Variants in CNOT10 observed in about 807,000 individuals in gnomAD.
CNOT10 encodes the protein CCR4-NOT transcription complex subunit 10, also known as CCR4-NOT transcription complex, subunit 10.
CNOT10 carries 30 observed loss-of-function variants against 94.6 expected under a neutral mutation model. The observed-to-expected ratio is 0.32, with a 90% CI of 0.24 to 0.43. The LOEUF is 0.43. Ranked by LOEUF, CNOT10 falls within the 20% of genes least tolerant of loss-of-function variation. CNOT10 has a pLI of 1.00. For synonymous variants in CNOT10, 289 were observed against 301.6 expected (o/e 0.96, Z 0.43); for missense variants, 759 against 877.2 (o/e 0.87, Z 1.70).
intron 13 of CNOT10, among the ~76,000 whole-genome samples, chr3:32,749,002 A>G (rs749018607): frequency 2.0e-5 from 3 of 151,608 alleles, no homozygotes; most frequent in Non-Finnish European, 4.4e-5. Context: ...TTGTATTTTT[A>G]GTAGAGATGG....
intron 4 of CNOT10, among the ~76,000 whole-genome samples, chr3:32,710,401 A>G (rs888796426): frequency 1.3e-5 from 2 of 151,872 alleles, no homozygotes; most frequent in African/African-American, 4.8e-5. Flanking sequence ...CCTCTGCCCC[A>G]ACACATCCAT....
chr3:32,712,351 C>T (rs1036844187), intron 4 of CNOT10, among the ~76,000 whole-genome samples: 6 of 152,306 alleles, frequency 3.9e-5, no homozygotes, highest in Middle Eastern at 3.4e-3. Flanking sequence ...TGTACAGAGA[C>T]CACACATACC....
intron 1 of CNOT10, among the ~76,000 whole-genome samples, chr3:32,690,639 C>T (rs576128021): frequency 6.6e-4 from 101 of 151,896 alleles, no homozygotes; most frequent in African/African-American, 2.1e-3. Flanking sequence ...CTCCGCCTCC[C>T]GGGTTCACAC....
rs559866129 is a variant in CNOT10, at chr3:32,740,670, A to G, written c.1595+3180A>G. Among the ~76,000 whole-genome samples the G allele has an allele frequency of 9.2e-5, 14 of 151,560 alleles. No individual in the cohort carries two copies. In the East Asian group the frequency reaches 9.8e-4, roughly 11 times the overall value. ...AAGGTCAGGAGATCGAGACCATCCTAGCTAACACGGTGAAACCCTGTCTCT... is the reference window on the plus strand; with the variant it reads ...AAGGTCAGGAGATCGAGACCATCCTGGCTAACACGGTGAAACCCTGTCTCT... On this transcript the variant is annotated intron_variant, in intron 13 of 18. Transcript: ENST00000328834.
At position 32,718,444 on chromosome 3, in the gene CNOT10, C is replaced by A. The variant is rs372128560; in HGVS notation, c.744+1207C>A. 2.4e-3 allele frequency among the ~76,000 whole-genome samples: 367 copies of A among 150,046 alleles called. 1 individual carries two copies. Among genetic ancestry groups the A allele is most frequent in the African/African-American group, 8.2e-3 (334 of 40,858 alleles). ...CTAAAAATACAAAAAATGAGCCGGG[C>A]GTGGTGGCGGGCGCCTGTAGTCCCA... is the stretch of plus-strand genomic sequence containing the variant. On this transcript the variant is annotated intron_variant, in intron 7 of 18. Coordinates refer to ENST00000328834, the MANE Select transcript of CNOT10 (RefSeq NM_015442.3).
intron 6 of CNOT10, among the ~76,000 whole-genome samples, chr3:32,716,638 G>C (rs1397019595): frequency 6.6e-6 from 1 of 152,026 alleles, no homozygotes; most frequent in Non-Finnish European, 1.5e-5. Context: ...CCCGGAACTT[G>C]AGTATTTAAG....
chr3:32,763,209 C>T (rs1700525016), intron 15 of CNOT10, among the ~76,000 whole-genome samples: 1 of 152,062 alleles, frequency 6.6e-6, no homozygotes. Flanking sequence ...TGGTGGCTCA[C>T]GCCTGTAATC....
intron 13 of CNOT10, among the ~76,000 whole-genome samples, chr3:32,750,376 T>G (rs1212266846): frequency 6.6e-6 from 1 of 151,832 alleles, no homozygotes; most frequent in Non-Finnish European, 1.5e-5. Flanking sequence ...GTGCCTATAG[T>G]CTCAGCTACT....
At chr3:32,688,616 A>G (rs7433947) in intron 1 of CNOT10, among the ~76,000 whole-genome samples, 41,767 of 151,552 alleles carry the variant, frequency 0.28, 6,186 homozygotes, top group African/African-American at 0.39. Context: ...AATAATACTC[A>G]GAAGAAAAAA....
At chr3:32,758,328 G>T (rs1210854677) in intron 13 of CNOT10, among the ~76,000 whole-genome samples, 1 of 152,082 alleles carries the variant, frequency 6.6e-6, no homozygotes, top group Non-Finnish European at 1.5e-5. Context: ...AAGAGTTGAG[G>T]GGCTGCCTTT....
chr3:32,750,125 C>A (rs1051095069), intron 13 of CNOT10, among the ~76,000 whole-genome samples: 5 of 151,908 alleles, frequency 3.3e-5, no homozygotes, highest in Non-Finnish European at 7.4e-5. Context: ...GTGGGAGGAT[C>A]GCTTGGGCCC....
chr3:32,712,639 A>G (rs1227602369), intron 4 of CNOT10, among the ~76,000 whole-genome samples: 3 of 152,108 alleles, frequency 2.0e-5, no homozygotes, highest in African/African-American at 7.2e-5. Context: ...TGAGCTCAGG[A>G]GCTTGAGACC....
At chr3:32,709,539 C>T (rs1246430196) in intron 4 of CNOT10, among the ~76,000 whole-genome samples, 1 of 152,178 alleles carries the variant, frequency 6.6e-6, no homozygotes, top group Non-Finnish European at 1.5e-5. Flanking sequence ...TATGATAGCG[C>T]TCTGTGGTTC....
At chr3:32,717,259 G>A (rs752115329) in intron 7 of CNOT10, 22 bp downstream of exon 7, 2 of 1,495,868 alleles carry the variant, frequency 1.3e-6, no homozygotes, top group South Asian at 1.2e-5. Context: ...CTGGACTTTT[G>A]TTTTTCAATT....
At chr3:32,740,755 G>C (rs980647137) in intron 13 of CNOT10, among the ~76,000 whole-genome samples, 42 of 152,054 alleles carry the variant, frequency 2.8e-4, no homozygotes, top group Non-Finnish European at 5.9e-5. Flanking sequence ...CCAGCTACGC[G>C]GGAGGCTGAG....
At chr3:32,763,083 C>G (rs1700519825) in intron 15 of CNOT10, among the ~76,000 whole-genome samples, 1 of 152,176 alleles carries the variant, frequency 6.6e-6, no homozygotes, top group Non-Finnish European at 1.5e-5. Context: ...AAGGCTGGTA[C>G]TGTTAGAATG....
intron 18 of CNOT10, among the ~76,000 whole-genome samples, chr3:32,770,755 G>A (rs1023672673): frequency 4.0e-5 from 6 of 150,548 alleles, no homozygotes; most frequent in East Asian, 2.0e-4. Flanking sequence ...CACCCAGGCT[G>A]GAGTGCAGTG....
Position 32,764,507 on chromosome 3 carries a change from G to C in CNOT10, c.1876+17G>C. On this transcript the variant is annotated intron_variant, in intron 16 of 18. Coordinates refer to ENST00000328834, the MANE Select transcript of CNOT10 (RefSeq NM_015442.3). ...TGGAATCCTGTAAGTAAGAAGTTTT[G>C]TGATACTTAAGTAGCCTGGCCTGCA... 1.2e-6 allele frequency: 2 copies of C among 1,612,836 alleles called. No individual in the cohort carries two copies. Among genetic ancestry groups the C allele is most frequent in the Non-Finnish European group, 1.7e-6 (2 of 1,179,608 alleles).
intron 10 of CNOT10, among the ~76,000 whole-genome samples, chr3:32,728,346 C>T (rs759760861): frequency 5.9e-5 from 9 of 152,028 alleles, no homozygotes; most frequent in Non-Finnish European, 1.3e-4. Context: ...GTTGGCCGTG[C>T]GCAATGGCTC....
Sources: allele counts gnomAD v4.1 joint callset (sites outside exome capture counted in the v4.1 genomes callset), GRCh38; gene constraint gnomAD v4.1.1; transcripts MANE v1.5; gene names NCBI Gene and HGNC (gene_info 2026-07-23, HGNC 2026-07-21).